The following GPR63 variants were observed in gnomAD, a reference collection of about 807,000 sequenced individuals.
GPR63 encodes G protein-coupled receptor 63.
A neutral mutation model predicts 23.1 loss-of-function variants in GPR63; 12 were observed. The observed-to-expected ratio is 0.52, with a 90% CI of 0.33 to 0.84. The LOEUF is 0.84. Among genes scored for constraint, GPR63 ranks in the 40% least tolerant of loss-of-function variants. The pLI, the probability that GPR63 is intolerant of heterozygous loss-of-function variation, is 0.02. For missense variants in GPR63, 472 were observed against 515.6 expected, an observed-to-expected ratio of 0.92 and a Z score of 0.82; for synonymous variants, 172 against 191.1, an observed-to-expected ratio of 0.90 and a Z score of 0.82.
rs2127939850 is a variant in GPR63 at position 96,798,321 on chromosome 6, CA to C, written c.*150del. 1.4e-6 allele frequency: 1 copy of C among 701,566 alleles called. No individual in the cohort carries two copies. The highest frequency in any genetic ancestry group is 2.7e-5 in the East Asian group (1 of 36,418). 43.5% of individuals were successfully genotyped at this position (701,566 alleles called of 1,614,324 possible). A position where few individuals can be genotyped will look rare whatever the true frequency, so the allele number is the denominator to read the frequency against. ...CTTTCCTATTATTTATTCTTGGTAACAGAACTATAATTACCATTCTTTCTTT... is the reference window on the plus strand; with the variant it reads ...CTTTCCTATTATTTATTCTTGGTAACGAACTATAATTACCATTCTTTCTTT... On this transcript the variant is annotated 3_prime_UTR_variant, in exon 2 of 2. Transcript: ENST00000229955.
At chr6:96,814,104 C>G (rs1412592182) in intron 1 of GPR63, among the ~76,000 whole-genome samples, 3 of 151,830 alleles carry the variant, frequency 2.0e-5, no homozygotes. Context: ...AGAAAATAAC[C>G]CACAGACTTG....
chr6:96,799,987 T>C (rs1226393160), intron 1 of GPR63, 106 bp from the exon 2 acceptor site: 3 of 499,684 alleles, frequency 6.0e-6, no homozygotes, highest in Admixed American at 3.3e-5. Flanking sequence ...TTGCTCTTTT[T>C]GACCGTTTAA....
At chr6:96,827,061 A>C (rs1313913208) in intron 1 of GPR63, among the ~76,000 whole-genome samples, 2 of 150,536 alleles carry the variant, frequency 1.3e-5, no homozygotes, top group Non-Finnish European at 3.0e-5. Flanking sequence ...AAAAAAAAAA[A>C]CCACAAAAAC....
At chr6:96,834,253 T>G (rs1774664311) in intron 1 of GPR63, among the ~76,000 whole-genome samples, 1 of 152,206 alleles carries the variant, frequency 6.6e-6, no homozygotes, top group Non-Finnish European at 1.5e-5. Context: ...TCCTAAAGCA[T>G]GTTGGGCTGC....
chr6:96,836,212 C>T (rs370945031), intron 1 of GPR63, among the ~76,000 whole-genome samples: 134 of 152,202 alleles, frequency 8.8e-4, no homozygotes, highest in African/African-American at 3.2e-3. Flanking sequence ...TCCACGTCTG[C>T]AATAAATGTA....
At position 96,823,791 on chromosome 6, in the gene GPR63, G is replaced by A. The variant is rs147253158; in HGVS notation, c.-151+13477C>T. Among the ~76,000 whole-genome samples, 23 of 152,032 alleles carry A rather than the reference G, an allele frequency of 1.5e-4. No homozygotes were observed. In the East Asian group the frequency reaches 2.9e-3, roughly 19 times the overall value. On this transcript the variant is annotated intron_variant, in intron 1 of 1. Coordinates refer to ENST00000229955, the MANE Select transcript of GPR63 (RefSeq NM_030784.4). ...TACACCATATTTTTACTGTACCTACGTTTAGATATATAAATGCTTACAGTT... is the reference window on the plus strand; with the variant it reads ...TACACCATATTTTTACTGTACCTACATTTAGATATATAAATGCTTACAGTT...
chr6:96,808,224 G>T (rs781273527), intron 1 of GPR63, among the ~76,000 whole-genome samples: 5 of 152,004 alleles, frequency 3.3e-5, no homozygotes, highest in Non-Finnish European at 7.4e-5. Flanking sequence ...GCTCTATACC[G>T]TGATTACAGA....
intron 1 of GPR63, among the ~76,000 whole-genome samples, chr6:96,835,171 A>G (rs1484359798): frequency 6.6e-6 from 1 of 152,140 alleles, no homozygotes; most frequent in African/African-American, 2.4e-5. Flanking sequence ...ACTGAAAACC[A>G]GTGCTTTTTA....
At chr6:96,824,750 T>C (rs964944749) in intron 1 of GPR63, among the ~76,000 whole-genome samples, 2 of 151,818 alleles carry the variant, frequency 1.3e-5, no homozygotes, top group Non-Finnish European at 2.9e-5. Flanking sequence ...CAGTGGGAGG[T>C]TGTGGTGTTT....
chr6:96,836,737 G>A (rs555025585), intron 1 of GPR63, among the ~76,000 whole-genome samples: 1 of 152,212 alleles, frequency 6.6e-6, no homozygotes, highest in Non-Finnish European at 1.5e-5. Flanking sequence ...ACACAGCGCC[G>A]CAAGCTGAAC....
intron 1 of GPR63, among the ~76,000 whole-genome samples, chr6:96,811,357 G>A (rs1390222356): frequency 6.6e-6 from 1 of 152,218 alleles, no homozygotes; most frequent in Non-Finnish European, 1.5e-5. Context: ...GTAGGAATGT[G>A]AAATACTGGC....
intron 1 of GPR63, among the ~76,000 whole-genome samples, chr6:96,824,238 G>A (rs1488764544): frequency 6.6e-6 from 1 of 151,996 alleles, no homozygotes; most frequent in Non-Finnish European, 1.5e-5. Flanking sequence ...CACTATAATA[G>A]ATAAATTTTT....
intron 1 of GPR63, among the ~76,000 whole-genome samples, chr6:96,801,232 CAG>C (rs1432382671): frequency 9.6e-5 from 14 of 145,566 alleles, no homozygotes; most frequent in Admixed American, 7.7e-4. Context: ...TTTTTCCAGA[CAG>C]AGTCTCACTC....
chr6:96,804,424 C>T (rs1773846566), intron 1 of GPR63, among the ~76,000 whole-genome samples: 1 of 152,142 alleles, frequency 6.6e-6, no homozygotes, highest in African/African-American at 2.4e-5. Flanking sequence ...TTATTAATCC[C>T]ATTGTTCCCT....
intron 1 of GPR63, among the ~76,000 whole-genome samples, chr6:96,828,170 T>G (rs946657076): frequency 6.6e-6 from 1 of 152,060 alleles, no homozygotes; most frequent in African/African-American, 2.4e-5. Context: ...GGGCTAGAAG[T>G]CCAAGATCAA....
intron 1 of GPR63, among the ~76,000 whole-genome samples, chr6:96,816,387 T>C (rs970420544): frequency 1.4e-4 from 22 of 152,140 alleles, no homozygotes; most frequent in African/African-American, 5.3e-4. Flanking sequence ...AAAACATTCC[T>C]AGAGAGCCTT....
intron 1 of GPR63, among the ~76,000 whole-genome samples, chr6:96,800,318 T>G (rs1157527496): frequency 6.6e-6 from 1 of 152,186 alleles, no homozygotes; most frequent in Admixed American, 6.5e-5. Context: ...GTTCTTACTC[T>G]AATTTTACAT....
intron 1 of GPR63, among the ~76,000 whole-genome samples, chr6:96,808,263 T>C (rs1773950238): frequency 6.6e-6 from 1 of 152,154 alleles, no homozygotes; most frequent in Admixed American, 6.6e-5. Flanking sequence ...ATATATGACA[T>C]ATGGAATCTA....
At chr6:96,823,673 TC>T (rs1433933876) in intron 1 of GPR63, among the ~76,000 whole-genome samples, 1 of 152,138 alleles carries the variant, frequency 6.6e-6, no homozygotes, top group Non-Finnish European at 1.5e-5. Context: ...ACTTTCACGT[TC>T]ACTTACCACT....
Sources: gnomAD v4.1 joint callset for allele counts (sites outside exome capture counted in the v4.1 genomes callset) on GRCh38, gnomAD v4.1.1 for gene constraint, MANE v1.5 for transcripts, NCBI Gene and HGNC (gene_info 2026-07-23, HGNC 2026-07-21) for gene names.